The following EML6 variants were observed in gnomAD, a reference collection of about 807,000 sequenced individuals.
EML6 encodes the protein echinoderm microtubule-associated protein-like 6.
Under a neutral mutation model 240.1 loss-of-function variants are expected in EML6, and 154 were observed. That is an observed-to-expected ratio of 0.64 (90% CI 0.56 to 0.73). EML6 has a LOEUF of 0.73. EML6 is among the 30% of genes least tolerant of loss of function. EML6 has a pLI of 0.00. For missense variants in EML6, 2,964 were observed against 2,474.6 expected (o/e 1.20, Z -4.20); for synonymous variants, 1,148 against 899.0 (o/e 1.28, Z -4.95).
chr2:54,869,429 T>G (rs1300987012), intron 15 of EML6, 62 bp downstream of exon 15: 23 of 1,272,530 alleles, frequency 1.8e-5, no homozygotes, highest in Non-Finnish European at 2.4e-5. Flanking sequence ...GAATTCAGTT[T>G]ACATATTAGA....
At chr2:54,829,243 G>C in intron 6 of EML6, 99 bp from the exon 7 acceptor site, 1 of 1,196,162 alleles carries the variant, frequency 8.4e-7, no homozygotes, top group South Asian at 1.7e-5. Flanking sequence ...TTTTATTTTT[G>C]TTTTTGACTT....
At chr2:54,966,322 C>G (rs917286326) in intron 38 of EML6, among the ~76,000 whole-genome samples, 2 of 152,182 alleles carry the variant, frequency 1.3e-5, no homozygotes, top group African/African-American at 4.8e-5. Context: ...TGTTCCAGGC[C>G]ATCTGCATGA....
At chr2:54,886,902 C>T (rs535387842) in intron 17 of EML6, among the ~76,000 whole-genome samples, 24 of 152,196 alleles carry the variant, frequency 1.6e-4, no homozygotes, top group African/African-American at 4.8e-4. Flanking sequence ...AAGATAAAAT[C>T]GGTGGTATAC....
chr2:54,786,930 C>T (rs779625424), intron 2 of EML6, among the ~76,000 whole-genome samples: 13 of 152,254 alleles, frequency 8.5e-5, no homozygotes, highest in Admixed American at 7.9e-4. Flanking sequence ...GCCTTTTTCT[C>T]TCGGGCTTGA....
In EML6 at chr2:54,892,466, C is replaced by G; in HGVS notation, c.2552C>G (p.Thr851Ser). 1 of 1,551,108 alleles carries G rather than the reference C, an allele frequency of 6.4e-7. No homozygotes were observed. The highest frequency in any genetic ancestry group is 8.7e-7 in the Non-Finnish European group (1 of 1,146,538). The change falls in exon 19 of 42, where the codon ACT becomes AGT. Residue 851 changes from threonine (T) to serine (S), a missense_variant. Transcript: ENST00000356458. Reference sequence around the variant, plus strand: ...TGGTCCACTCTAGGTGGGGGCTTCACTTCTAAAAGAGGAACTTTTGGAAGC... The same window carrying G: ...TGGTCCACTCTAGGTGGGGGCTTCAGTTCTAAAAGAGGAACTTTTGGAAGC... ...KFWQQAGGGF[T>S]SKRGTFGSVG...
intron 5 of EML6, among the ~76,000 whole-genome samples, chr2:54,823,162 G>T (rs898381984): frequency 6.6e-6 from 1 of 152,184 alleles, no homozygotes; most frequent in Admixed American, 6.5e-5. Context: ...CATTAAGACA[G>T]AATGTTTTGG....
Position 54,954,080 on chromosome 2 carries a change from C to G in EML6, c.4410C>G (p.Phe1470Leu). The G allele has an allele frequency of 1.3e-6, 2 of 1,551,766 alleles. No homozygotes were observed. The highest frequency in any genetic ancestry group is 2.0e-5 in the Admixed American group (1 of 50,994). Residue 1470 changes from phenylalanine (F) to leucine (L), a missense_variant, in exon 32 of 42, where the codon TTC (phenylalanine) becomes TTG (leucine). By Grantham distance (22) the Phe-to-Leu change is conservative (BLOSUM62 0). Coordinates refer to ENST00000356458, the MANE Select transcript of EML6 (RefSeq NM_001039753.4). ...CCAAGGGGGTGAATTACATCAACTT[C>G]AGTGCAACTGGAAAGCTCCTGGTGT... ...FHSKGVNYIN[F>L]SATGKLLVSV...
chr2:54,950,159 T>C (rs1054301125), intron 29 of EML6, among the ~76,000 whole-genome samples: 1 of 148,952 alleles, frequency 6.7e-6, no homozygotes, highest in Non-Finnish European at 1.5e-5. Context: ...GGGAAAAAAA[T>C]GGCAAATATG....
intron 2 of EML6, among the ~76,000 whole-genome samples, chr2:54,765,182 C>T (rs1291565303): frequency 6.6e-6 from 1 of 152,016 alleles, no homozygotes; most frequent in Admixed American, 6.5e-5. Context: ...TTATTATATT[C>T]AGCCTCTAAC....
intron 26 of EML6, among the ~76,000 whole-genome samples, chr2:54,919,256 A>G (rs1028885767): frequency 2.4e-4 from 28 of 114,344 alleles, no homozygotes; most frequent in Admixed American, 3.7e-4. Context: ...CCCCCCCCCA[A>G]TCCTTTTCAA....
Position 54,936,423 on chromosome 2 carries a change from C to T in EML6, c.4004+7672C>T, listed in dbSNP as rs72795413. ...TGTCCTCATTTCTTCCTCACTTAAC[C>T]GGCCACATAGGGGTTGGTCATAATG... On this transcript the variant is annotated intron_variant, in intron 28 of 41. Transcript: ENST00000356458. 7.1e-3 allele frequency among the ~76,000 whole-genome samples: 1,075 copies of T among 152,196 alleles called. 4 individuals carry two copies. The highest frequency in any genetic ancestry group is 0.011 in the Non-Finnish European group (733 of 68,022).
chr2:54,957,329 TAAAG>T (rs1384466311), intron 32 of EML6, among the ~76,000 whole-genome samples: 4 of 101,802 alleles, frequency 3.9e-5, no homozygotes, highest in African/African-American at 8.7e-5. Context: ...ACGGGGAACT[TAAAG>T]AAAATGCAGG....
intron 2 of EML6, among the ~76,000 whole-genome samples, chr2:54,800,546 CA>C: frequency 6.6e-6 from 1 of 152,178 alleles, no homozygotes; most frequent in East Asian, 1.9e-4. Context: ...TTTCCCAAAA[CA>C]AGCATGAATT....
intron 27 of EML6, 35 bp downstream of exon 27, chr2:54,928,549 G>A (rs772148397): frequency 9.5e-5 from 147 of 1,548,708 alleles, no homozygotes; most frequent in South Asian, 3.6e-4. Flanking sequence ...CTCCTGCGCC[G>A]AATGCACCTC....
chr2:54,801,904 T>C (rs1007650051), intron 2 of EML6, among the ~76,000 whole-genome samples: 9 of 152,108 alleles, frequency 5.9e-5, no homozygotes, highest in Non-Finnish European at 1.2e-4. Context: ...ACTACTGTTA[T>C]CAAGAATAAG....
intron 11 of EML6, among the ~76,000 whole-genome samples, chr2:54,858,458 T>G (rs1184191147): frequency 6.6e-6 from 1 of 151,044 alleles, no homozygotes; most frequent in Non-Finnish European, 1.5e-5. Context: ...CTAAAGAGAG[T>G]TGGGAAGAGC....
chr2:54,797,638 A>T (rs1669894514), intron 2 of EML6, among the ~76,000 whole-genome samples: 1 of 146,888 alleles, frequency 6.8e-6, no homozygotes, highest in South Asian at 2.2e-4. Context: ...AAAAAAAAAA[A>T]TGCTAGCAAT....
chr2:54,872,072 G>C (rs557590259), intron 16 of EML6, among the ~76,000 whole-genome samples: 1 of 152,164 alleles, frequency 6.6e-6, no homozygotes, highest in Non-Finnish European at 1.5e-5. Flanking sequence ...CAGAGGGCCA[G>C]TTTACAACAT....
intron 24 of EML6, 41 bp downstream of exon 24, chr2:54,903,543 T>G (rs1019584637): frequency 6.7e-7 from 1 of 1,486,456 alleles, no homozygotes; most frequent in African/African-American, 1.4e-5. Context: ...TTTCTGTGTT[T>G]AAAAAATGTC....
Sources: gnomAD v4.1 joint callset for allele counts (sites outside exome capture counted in the v4.1 genomes callset) on GRCh38, gnomAD v4.1.1 for gene constraint, MANE v1.5 for transcripts, NCBI Gene and HGNC (gene_info 2026-07-23, HGNC 2026-07-21) for gene names.